Variants in ELP4 observed in about 807,000 individuals in gnomAD.
ELP4 encodes the protein elongator acetyltransferase complex subunit 4, also known as elongator complex protein 4.
In ELP4, 51 loss-of-function variants were observed where a neutral mutation model predicts 48.9. The ratio of observed to expected loss-of-function variants is 1.04; its 90% CI spans 0.83 to 1.32. The LOEUF is 1.32. ELP4 is among the 40% of genes most tolerant of loss of function. The pLI, the probability that ELP4 is intolerant of heterozygous loss-of-function variation, is 0.00. For synonymous variants in ELP4, 210 were observed against 189.2 expected (o/e 1.11, Z -0.90); for missense variants, 519 against 514.6 (o/e 1.01, Z -0.08).
chr11:31,743,203 C>G (rs181814768), intron 9 of ELP4, among the ~76,000 whole-genome samples: 1 of 152,054 alleles, frequency 6.6e-6, no homozygotes, highest in African/African-American at 2.4e-5. Context: ...CTAACTATCC[C>G]AAATATATAT....
intron 5 of ELP4, among the ~76,000 whole-genome samples, chr11:31,604,718 C>G (rs1957842008): frequency 6.6e-6 from 1 of 151,844 alleles, no homozygotes; most frequent in African/African-American, 2.4e-5. Flanking sequence ...AATTTATAGT[C>G]TCTGTTCTAA....
chr11:31,722,811 A>G (rs1370721196), intron 9 of ELP4, among the ~76,000 whole-genome samples: 1 of 152,020 alleles, frequency 6.6e-6, no homozygotes, highest in Non-Finnish European at 1.5e-5. Flanking sequence ...GATACTCAGC[A>G]CAGACTTCAC....
chr11:31,581,737 T>C (rs1957396478), intron 3 of ELP4, among the ~76,000 whole-genome samples: 1 of 149,692 alleles, frequency 6.7e-6, no homozygotes, highest in Non-Finnish European at 1.5e-5. Flanking sequence ...TTTTCTTTTT[T>C]CTCTCATGTT....
chr11:31,761,409 A>T (rs1292611342), intron 9 of ELP4, among the ~76,000 whole-genome samples: 1 of 152,112 alleles, frequency 6.6e-6, no homozygotes, highest in Non-Finnish European at 1.5e-5. Context: ...ACTATACCCA[A>T]GATTGAACTT....
intron 9 of ELP4, chr11:31,706,916 T>A: frequency 2.5e-6 from 1 of 397,852 alleles, no homozygotes; most frequent in African/African-American, 2.1e-5. Flanking sequence ...CAGGATTACA[T>A]TCTTTTTTAT....
intron 2 of ELP4, among the ~76,000 whole-genome samples, chr11:31,525,028 T>C (rs1354521851): frequency 6.6e-6 from 1 of 152,186 alleles, no homozygotes; most frequent in Non-Finnish European, 1.5e-5. Context: ...ATTGGCCTGC[T>C]AGCTGGTCAC....
chr11:31,700,645 G>C (rs1946502459), intron 9 of ELP4, among the ~76,000 whole-genome samples: 1 of 152,056 alleles, frequency 6.6e-6, no homozygotes, highest in Non-Finnish European at 1.5e-5. Flanking sequence ...TTGGAAGACA[G>C]CTGGAAAAGA....
chr11:31,789,263 C>T lies in ELP4; in HGVS notation c.*5739C>T. The stretch of plus-strand genomic sequence containing the variant: ...GATTTCTAGGGAAGACAAATACTTA[C>T]ATTTTGACATAAAACAAATTGGATT... On this transcript the variant is annotated 3_prime_UTR_variant, in exon 10 of 10. Transcript: ENST00000640961. The T allele has an allele frequency of 4.6e-6, 1 of 218,100 alleles. No homozygotes were observed. The highest frequency in any genetic ancestry group is 1.5e-3 in the Middle Eastern group (1 of 672). The allele number at this position is 218,100 out of a possible 1,614,324, so 13.5% of individuals were successfully genotyped here.
At chr11:31,591,792 A>G (rs1401591826) in intron 3 of ELP4, among the ~76,000 whole-genome samples, 1 of 152,188 alleles carries the variant, frequency 6.6e-6, no homozygotes, top group Non-Finnish European at 1.5e-5. Context: ...TGTTCACACA[A>G]AAGTTTGTGT....
chr11:31,547,784 C>T (rs549089982), intron 3 of ELP4, among the ~76,000 whole-genome samples: 122 of 152,238 alleles, frequency 8.0e-4, no homozygotes, highest in African/African-American at 2.8e-3. Context: ...AAAGCTTATC[C>T]ACCACGATCA....
chr11:31,739,501 A>G (rs150885112), intron 9 of ELP4, among the ~76,000 whole-genome samples: 1 of 152,208 alleles, frequency 6.6e-6, no homozygotes, highest in East Asian at 1.9e-4. Flanking sequence ...TACTTCTTCC[A>G]GTGTTTTTTG....
intron 9 of ELP4, 47 bp downstream of exon 9, chr11:31,650,268 T>C (rs138806082): frequency 2.3e-5 from 14 of 614,914 alleles, no homozygotes; most frequent in African/African-American, 2.1e-4. Flanking sequence ...GATAAACTTA[T>C]TTTTAACTTA....
chr11:31,511,492 A>C (rs923536464), intron 1 of ELP4: 1 of 152,210 alleles, frequency 6.6e-6, no homozygotes, highest in African/African-American at 2.4e-5. Flanking sequence ...TGTTGAATAC[A>C]AGAAAAATAA....
In ELP4 at chr11:31,789,817, T is replaced by G; in HGVS notation, c.*6293T>G. The G allele has an allele frequency of 1.1e-6, 1 of 899,874 alleles. No homozygotes were observed. The highest frequency in any genetic ancestry group is 1.8e-6 in the Non-Finnish European group (1 of 554,344). The allele number at this position is 899,874 out of a possible 1,614,324, so 55.7% of individuals were successfully genotyped here. On this transcript the variant is annotated 3_prime_UTR_variant, in exon 10 of 10. Coordinates refer to ENST00000640961, the MANE Select transcript of ELP4 (RefSeq NM_019040.5). ...ACAATACAGGACACAATTGTAGAAC[T>G]GAAGCGGCTCTAACAGCCATTTTTC...
At chr11:31,576,163 T>G (rs1363053402) in intron 3 of ELP4, among the ~76,000 whole-genome samples, 1 of 152,106 alleles carries the variant, frequency 6.6e-6, no homozygotes, top group East Asian at 1.9e-4. Context: ...AAAACAGACT[T>G]TAAATCAACA....
chr11:31,745,094 TAAC>T (rs1368045486), intron 9 of ELP4, among the ~76,000 whole-genome samples: 1 of 152,038 alleles, frequency 6.6e-6, no homozygotes, highest in East Asian at 1.9e-4. Flanking sequence ...TATACACCAT[TAAC>T]AGACAAACAG....
intron 7 of ELP4, among the ~76,000 whole-genome samples, chr11:31,643,456 T>C (rs899632234): frequency 1.3e-5 from 2 of 151,882 alleles, no homozygotes; most frequent in South Asian, 2.1e-4. Context: ...TCTGGAAATA[T>C]ATTTTGTGTT....
At chr11:31,527,255 AG>A (rs1956309792) in intron 2 of ELP4, among the ~76,000 whole-genome samples, 1 of 151,998 alleles carries the variant, frequency 6.6e-6, no homozygotes, top group South Asian at 2.1e-4. Context: ...TCCCTCTTCT[AG>A]TGCTACATAT....
At chr11:31,577,985 G>GA (rs1408034764) in intron 3 of ELP4, among the ~76,000 whole-genome samples, 1 of 152,114 alleles carries the variant, frequency 6.6e-6, no homozygotes, top group Non-Finnish European at 1.5e-5. Flanking sequence ...TGTTTAATTA[G>GA]AAAAAGAGGA....
Sources: allele counts gnomAD v4.1 joint callset (sites outside exome capture counted in the v4.1 genomes callset), GRCh38; gene constraint gnomAD v4.1.1; transcripts MANE v1.5; gene names NCBI Gene and HGNC (gene_info 2026-07-23, HGNC 2026-07-21).